TCAF1: variants seen among roughly 807,000 people sequenced by gnomAD.
The protein encoded by TCAF1 is TRPM8 channel-associated factor 1.
A neutral mutation model predicts 27.3 loss-of-function variants in TCAF1; 4 were observed. That is an observed-to-expected ratio of 0.15 (90% CI 0.07 to 0.34). The LOEUF (loss-of-function observed/expected upper bound fraction) is 0.34. TCAF1 is among the 10% of genes least tolerant of loss of function. TCAF1 has a pLI of 1.00. For synonymous variants in TCAF1, 105 were observed against 167.1 expected, an observed-to-expected ratio of 0.63 and a Z score of 2.87; for missense variants, 257 against 425.8, an observed-to-expected ratio of 0.60 and a Z score of 3.49.
chr7:143,879,445 A>G (rs1408564338), intron 1 of TCAF1, among the ~76,000 whole-genome samples: 1 of 152,204 alleles, frequency 6.6e-6, no homozygotes, highest in Non-Finnish European at 1.5e-5. Context: ...TTAATACTTA[A>G]AAGACCATCA....
chr7:143,900,605 C>T (rs577932333), intron 1 of TCAF1, among the ~76,000 whole-genome samples: 1 of 152,260 alleles, frequency 6.6e-6, no homozygotes, highest in East Asian at 1.9e-4. Flanking sequence ...GAGTCAGAGA[C>T]TCCCAGCTAA....
rs1812680610 is a variant in TCAF1, at chr7:143,876,066, A to C, written c.543T>G (p.Ile181Met). Residue 181 changes from isoleucine (I) to methionine (M), a missense_variant, in exon 2 of 9, where the codon ATT becomes ATG. Physicochemically the swap from Ile to Met is conservative, Grantham distance 10 (BLOSUM62 1). Transcript: ENST00000479870. The stretch of plus-strand genomic sequence containing the variant: ...TGTCCCCTTTGTTGTCAGTAAAGTA[A>C]ATGCCAGCCACACTGGTCACGAGGT... The part of the protein sequence containing the change: ...PGNLVTSVAG[I>M]YFTDNKGDTS... 6.2e-7 allele frequency: 1 copy of C among 1,610,300 alleles called. No homozygotes were observed. Among genetic ancestry groups the C allele is most frequent in the Admixed American group, 1.7e-5 (1 of 59,632 alleles).
intron 1 of TCAF1, among the ~76,000 whole-genome samples, chr7:143,895,084 G>C (rs1586800401): frequency 1.3e-5 from 2 of 151,810 alleles, no homozygotes; most frequent in African/African-American, 4.8e-5. Context: ...ATCAAATTGT[G>C]ATGAGGATCT....
intron 1 of TCAF1, among the ~76,000 whole-genome samples, chr7:143,879,181 T>C (rs945990134): frequency 5.9e-5 from 9 of 152,184 alleles, no homozygotes; most frequent in Non-Finnish European, 1.2e-4. Flanking sequence ...TCTTTCTATC[T>C]ACGGAAATCC....
At chr7:143,885,286 G>A (rs982770652) in intron 1 of TCAF1, 4 of 985,640 alleles carry the variant, frequency 4.1e-6, no homozygotes, top group East Asian at 2.3e-4. Flanking sequence ...AGGCGCTGGG[G>A]CAGACGCCTT....
intron 1 of TCAF1, among the ~76,000 whole-genome samples, chr7:143,877,908 C>G (rs559962646): frequency 6.6e-6 from 1 of 152,304 alleles, no homozygotes; most frequent in South Asian, 2.1e-4. Context: ...AATCACTGGC[C>G]CTTACTACTT....
intron 1 of TCAF1, among the ~76,000 whole-genome samples, chr7:143,893,702 C>T (rs947212622): frequency 6.6e-6 from 1 of 151,758 alleles, no homozygotes; most frequent in Non-Finnish European, 1.5e-5. Flanking sequence ...TAGAAAATAT[C>T]TTAACTAAAT....
rs183694822 is a variant in TCAF1, at chr7:143,876,519, A to C, written c.90T>G (p.Leu30=). The change falls in exon 2 of 9, where the codon CTT becomes CTG. Residue 30 remains leucine, a synonymous_variant. Coordinates refer to ENST00000479870, the MANE Select transcript of TCAF1 (RefSeq NM_014719.3). ...CAGGAAATGAAGCCTCTCCAATAAG[A>C]AGCAGTTCACATGGAACAGCATCTT... ...VPEDAVPCEL[L]LIGEASFPVM... 1 of 1,572,316 alleles carries C rather than the reference A, an allele frequency of 6.4e-7. No homozygotes were observed. The highest frequency in any genetic ancestry group is 2.2e-5 in the East Asian group (1 of 44,810).
At chr7:143,875,826 C>G (rs1248518782) in intron 2 of TCAF1, among the ~76,000 whole-genome samples, 163 bp downstream of exon 2, 8 of 152,128 alleles carry the variant, frequency 5.3e-5, no homozygotes, top group Non-Finnish European at 1.2e-4. Flanking sequence ...GGACCTTGCC[C>G]CTCCTATGTC....
intron 1 of TCAF1, among the ~76,000 whole-genome samples, chr7:143,891,821 C>G (rs1412326530): frequency 6.6e-6 from 1 of 152,158 alleles, no homozygotes; most frequent in East Asian, 1.9e-4. Flanking sequence ...TGAGACACAT[C>G]ACATTCAAAC....
rs182968008 is a variant in TCAF1, at chr7:143,878,649, G to A, written c.-14-2027C>T. 1.4e-3 allele frequency among the ~76,000 whole-genome samples: 215 copies of A among 152,276 alleles called. 2 individuals are homozygous for A. Among genetic ancestry groups the A allele is most frequent in the African/African-American group, 5.1e-3 (212 of 41,560 alleles). ...CATTAATGACCTACCTACCTCAGGG[G>A]ACTATTGAGAAGATACTGATATGAA... On this transcript the variant is annotated intron_variant, in intron 1 of 8. Transcript: ENST00000479870.
At chr7:143,884,793 A>G (rs1373879367) in intron 1 of TCAF1, among the ~76,000 whole-genome samples, 1 of 151,974 alleles carries the variant, frequency 6.6e-6, no homozygotes, top group African/African-American at 2.4e-5. Context: ...AAGGTGATAA[A>G]ATGTCAGCAT....
intron 6 of TCAF1, among the ~76,000 whole-genome samples, chr7:143,859,981 T>TTATATAATATA (rs1811872927): frequency 2.3e-5 from 1 of 43,504 alleles, no homozygotes; most frequent in African/African-American, 9.0e-5. Flanking sequence ...ATAATATATA[T>TTATATAATATA]TATATAATAT....
rs1430759532 is a variant in TCAF1, at chr7:143,852,016, C to T, written c.*2117G>A. The stretch of plus-strand genomic sequence containing the variant: ...CCACATTATTTTGGCTATTTAAATA[C>T]TTCTTACTGGGAGCCTAGTATAAGC... On this transcript the variant is annotated 3_prime_UTR_variant, in exon 9 of 9. Transcript: ENST00000479870. The T allele has an allele frequency of 1.3e-5, 2 of 152,198 alleles. No individual in the cohort carries two copies. Among genetic ancestry groups the T allele is most frequent in the Admixed American group, 6.6e-5 (1 of 15,258 alleles). 9.4% of individuals were successfully genotyped at this position (152,198 alleles called of 1,614,324 possible).
chr7:143,876,763 C>T, intron 1 of TCAF1, 141 bp from the exon 2 acceptor site: 1 of 572,932 alleles, frequency 1.7e-6, no homozygotes, highest in Non-Finnish European at 2.7e-6. Context: ...TTTAAGCACT[C>T]GGTGTTAGTG....
Position 143,876,251 on chromosome 7 carries a change from C to T in TCAF1, c.358G>A (p.Asp120Asn). 6.2e-7 allele frequency: 1 copy of T among 1,614,216 alleles called. No homozygotes were observed. The highest frequency in any genetic ancestry group is 2.2e-5 in the East Asian group (1 of 44,884). ...VDAKVEPEVKDSLGVYCIDAY... is the reference protein window; with the variant it reads ...VDAKVEPEVKNSLGVYCIDAY... ...TCAATACAGTAAACCCCCAGGGAGT[C>T]TTTCACTTCTGGCTCAACCTTTGCA... is the stretch of plus-strand genomic sequence containing the variant. The change falls in exon 2 of 9, where the codon GAC becomes AAC. Residue 120 changes from aspartate to asparagine, a missense_variant. Coordinates refer to ENST00000479870, the MANE Select transcript of TCAF1 (RefSeq NM_014719.3).
At chr7:143,865,187 G>GA (rs1491183425) in intron 2 of TCAF1, among the ~76,000 whole-genome samples, 2 of 2,090 alleles carry the variant, frequency 9.6e-4, no homozygotes, top group African/African-American at 2.6e-3. Context: ...TAATGGAGAA[G>GA]GGGGGGGGTC....
intron 1 of TCAF1, among the ~76,000 whole-genome samples, chr7:143,878,306 G>A (rs1444614483): frequency 1.3e-5 from 2 of 152,156 alleles, no homozygotes; most frequent in East Asian, 3.9e-4. Context: ...ACTGAATTGA[G>A]CATGTATTGA....
chr7:143,875,878 T>C, intron 2 of TCAF1, 111 bp downstream of exon 2: 1 of 949,810 alleles, frequency 1.1e-6, no homozygotes, highest in African/African-American at 1.6e-5. Flanking sequence ...AGTGATTCCA[T>C]ATCTGAGTGC....
Sources: gnomAD v4.1 joint callset for allele counts (sites outside exome capture counted in the v4.1 genomes callset) on GRCh38, gnomAD v4.1.1 for gene constraint, MANE v1.5 for transcripts, NCBI Gene and HGNC (gene_info 2026-07-23, HGNC 2026-07-21) for gene names.